Variants in ADCY8 observed in about 807,000 individuals in gnomAD.
The protein encoded by ADCY8 is adenylate cyclase type 8.
A neutral mutation model predicts 119.7 loss-of-function variants in ADCY8; 51 were observed. The observed-to-expected ratio is 0.43, with a 90% CI of 0.34 to 0.54. The LOEUF (loss-of-function observed/expected upper bound fraction) is 0.54, where lower values mean the gene tolerates loss of function less well. Among genes scored for constraint, ADCY8 ranks in the 20% least tolerant of loss-of-function variants. The pLI, the probability that ADCY8 is intolerant of heterozygous loss-of-function variation, is 0.03. For synonymous variants in ADCY8, 665 were observed against 651.0 expected, an observed-to-expected ratio of 1.02 and a Z score of -0.33; for missense variants, 1,383 against 1,598.8, an observed-to-expected ratio of 0.87 and a Z score of 2.30.
chr8:130,911,778 A>G (rs1819989067), intron 5 of ADCY8, among the ~76,000 whole-genome samples: 1 of 150,496 alleles, frequency 6.6e-6, no homozygotes, highest in South Asian at 2.1e-4. Context: ...TAATTAATAG[A>G]ATAGTTAATA....
chr8:131,008,322 A>G (rs915282744), intron 1 of ADCY8, among the ~76,000 whole-genome samples: 2 of 152,180 alleles, frequency 1.3e-5, no homozygotes. Flanking sequence ...CCATGTGTCA[A>G]GAGTGGGACC....
chr8:130,836,477 A>G (rs748893713), intron 11 of ADCY8, 28 bp from the exon 12 acceptor site: 1 of 1,606,858 alleles, frequency 6.2e-7, no homozygotes, highest in Non-Finnish European at 8.5e-7. Context: ...AGGTGGTCAG[A>G]TTCAATGGGG....
chr8:130,883,504 A>G (rs888159399), intron 8 of ADCY8, among the ~76,000 whole-genome samples: 15 of 152,200 alleles, frequency 9.9e-5, no homozygotes, highest in Non-Finnish European at 2.2e-4. Flanking sequence ...GTAGCTATCA[A>G]AGAAGCTCAT....
chr8:130,984,633 T>A (rs527963319), intron 2 of ADCY8, among the ~76,000 whole-genome samples: 1 of 152,230 alleles, frequency 6.6e-6, no homozygotes, highest in East Asian at 1.9e-4. Flanking sequence ...GAAAGCTATT[T>A]TGTGAGAGGA....
At chr8:130,970,074 C>T (rs1158778470) in intron 2 of ADCY8, among the ~76,000 whole-genome samples, 2 of 152,218 alleles carry the variant, frequency 1.3e-5, no homozygotes, top group Non-Finnish European at 2.9e-5. Flanking sequence ...TATGCATGTG[C>T]TTTCAACCTA....
rs1563759015 is a variant in ADCY8 at position 130,992,396 on chromosome 8, TATATATATATATATA to T, written c.961-1869_961-1855del. ...ACTGTATCTGGCATATATATATATA[TATATATATATATATA>T]TATATATATATATATATATTTGAGA... On this transcript the variant is annotated intron_variant, in intron 1 of 17. Transcript: ENST00000286355. Among the ~76,000 whole-genome samples the T allele has an allele frequency of 9.4e-4, 27 of 28,852 alleles. 1 individual carries two copies. Among genetic ancestry groups the T allele is most frequent in the South Asian group, 9.2e-3 (6 of 652 alleles). The allele number at this position is 28,852 out of a possible 152,430, so 18.9% of individuals were successfully genotyped here.
At chr8:130,863,546 CTT>C (rs1425878006) in intron 9 of ADCY8, among the ~76,000 whole-genome samples, 1 of 151,898 alleles carries the variant, frequency 6.6e-6, no homozygotes, top group Non-Finnish European at 1.5e-5. Flanking sequence ...GTTTGTTCAC[CTT>C]GTTTAACATT....
At chr8:130,970,973 G>A (rs1368130834) in intron 2 of ADCY8, among the ~76,000 whole-genome samples, 1 of 152,180 alleles carries the variant, frequency 6.6e-6, no homozygotes, top group Non-Finnish European at 1.5e-5. Context: ...ATGAAAGAAA[G>A]ACATTCGGGA....
chr8:130,798,904 A>G (rs1421149831), intron 15 of ADCY8, among the ~76,000 whole-genome samples: 2 of 152,142 alleles, frequency 1.3e-5, no homozygotes, highest in Admixed American at 1.3e-4. Context: ...ACACACATGC[A>G]CACACCACAC....
intron 11 of ADCY8, among the ~76,000 whole-genome samples, chr8:130,844,912 C>T (rs1393792314): frequency 2.0e-5 from 3 of 152,168 alleles, no homozygotes; most frequent in Admixed American, 6.6e-5. Context: ...GTATATTACG[C>T]ACAGTGGTTC....
At chr8:130,789,867 C>A (rs1815370087) in intron 15 of ADCY8, among the ~76,000 whole-genome samples, 1 of 152,152 alleles carries the variant, frequency 6.6e-6, no homozygotes, top group African/African-American at 2.4e-5. Context: ...CCTACTGACT[C>A]AGAAACTCTC....
intron 11 of ADCY8, among the ~76,000 whole-genome samples, chr8:130,842,542 C>A (rs1586470082): frequency 2.0e-5 from 3 of 151,954 alleles, no homozygotes; most frequent in Non-Finnish European, 2.9e-5. Context: ...TTCTTCTGCA[C>A]TATCTAATAT....
At chr8:130,801,704 C>T (rs1368672278) in intron 14 of ADCY8, among the ~76,000 whole-genome samples, 2 of 152,140 alleles carry the variant, frequency 1.3e-5, no homozygotes, top group Non-Finnish European at 2.9e-5. Context: ...GCATCTCAGA[C>T]TGGAATGAAA....
intron 9 of ADCY8, among the ~76,000 whole-genome samples, chr8:130,857,371 C>T (rs899035548): frequency 6.6e-6 from 1 of 152,106 alleles, no homozygotes; most frequent in Non-Finnish European, 1.5e-5. Context: ...TCTTTATAGA[C>T]ACTACAGTTT....
intron 15 of ADCY8, among the ~76,000 whole-genome samples, chr8:130,790,773 G>A (rs760069735): frequency 2.0e-5 from 3 of 152,202 alleles, no homozygotes; most frequent in African/African-American, 4.8e-5. Flanking sequence ...TCCTTCCTCC[G>A]TCGATCCATT....
At chr8:130,962,009 G>C (rs1821621228) in intron 2 of ADCY8, among the ~76,000 whole-genome samples, 1 of 152,144 alleles carries the variant, frequency 6.6e-6, no homozygotes, top group Admixed American at 6.5e-5. Context: ...TAGTCTTTAA[G>C]TGCCAACACT....
chr8:130,783,954 A>G, intron 16 of ADCY8, 149 bp from the exon 17 acceptor site: 1 of 601,482 alleles, frequency 1.7e-6, no homozygotes, highest in Non-Finnish European at 2.9e-6. Context: ...TCTACACTCA[A>G]GTCACTGGTA....
chr8:130,883,940 C>G (rs779562549), intron 8 of ADCY8, among the ~76,000 whole-genome samples: 21 of 152,136 alleles, frequency 1.4e-4, no homozygotes, highest in Non-Finnish European at 2.8e-4. Context: ...CATTCATTAT[C>G]CTCATCATAC....
intron 14 of ADCY8, among the ~76,000 whole-genome samples, chr8:130,803,746 G>A (rs542973107): frequency 6.6e-6 from 1 of 152,308 alleles, no homozygotes; most frequent in Non-Finnish European, 1.5e-5. Context: ...AGGATCAGAG[G>A]ACTCCCAAGG....
Sources: allele counts gnomAD v4.1 joint callset (sites outside exome capture counted in the v4.1 genomes callset), GRCh38; gene constraint gnomAD v4.1.1; transcripts MANE v1.5; gene names NCBI Gene and HGNC (gene_info 2026-07-23, HGNC 2026-07-21).